SORBS3: variants seen among roughly 807,000 people sequenced by gnomAD.
SORBS3 encodes the protein vinexin.
In SORBS3, 69 loss-of-function variants were observed where a neutral mutation model predicts 98.0. That is an observed-to-expected ratio of 0.70 (90% CI 0.58 to 0.86). The LOEUF (loss-of-function observed/expected upper bound fraction) is 0.86. Among genes scored for constraint, SORBS3 ranks in the 40% least tolerant of loss-of-function variants. The pLI is 0.00. For synonymous variants in SORBS3, 394 were observed against 355.4 expected (o/e 1.11, Z -1.22); for missense variants, 954 against 908.5 (o/e 1.05, Z -0.64).
chr8:22,566,065 T>C lies in SORBS3; in HGVS notation c.950+193T>C, dbSNP rs970175506. The C allele has an allele frequency of 1.3e-5, 7 of 548,284 alleles. No homozygotes were observed. In the Admixed American group the frequency reaches 1.8e-4, roughly 14 times the overall value. 34.0% of individuals were successfully genotyped at this position (548,284 alleles called of 1,614,324 possible). On this transcript the variant is annotated intron_variant, in intron 12 of 20. Transcript: ENST00000240123. Reference sequence around the variant, plus strand: ...CCGTTCCCGCGCCACCGAGGGCAGCTAACTCCTAGCAGAGGACCGGGGTCG... The same window carrying C: ...CCGTTCCCGCGCCACCGAGGGCAGCCAACTCCTAGCAGAGGACCGGGGTCG...
Position 22,565,333 on chromosome 8 carries a change from G to C in SORBS3, c.882G>C (p.Glu294Asp). Residue 294 changes from glutamate (E) to aspartate (D), a missense_variant, in exon 11 of 21, where the codon GAG becomes GAC. Coordinates refer to ENST00000240123, the MANE Select transcript of SORBS3 (RefSeq NM_005775.5). ...AELDKDLRAI[E>D]TRLPSPKSSP... is the part of the protein sequence containing the mutation. ...TGGACAAGGACCTGCGGGCAATTGAGACCCGACTGCCGTCCCCCAAGGTAC... is the reference window on the plus strand; with the variant it reads ...TGGACAAGGACCTGCGGGCAATTGACACCCGACTGCCGTCCCCCAAGGTAC... 6.4e-7 allele frequency: 1 copy of C among 1,556,982 alleles called. No individual in the cohort carries two copies.
intron 12 of SORBS3, 88 bp downstream of exon 12, chr8:22,565,960 G>A (rs992822919): frequency 5.4e-6 from 5 of 917,860 alleles, no homozygotes; most frequent in Non-Finnish European, 7.1e-6. Context: ...GGACGGGGGC[G>A]ATCGCGGGGC....
At chr8:22,550,011 A>G (rs2117191937), upstream of SORBS3, 1 of 985,450 alleles carries the variant, frequency 1.0e-6, no homozygotes, top group Non-Finnish European at 1.2e-6. Flanking sequence ...AGAAGAAGGA[A>G]GAAAGTGAAA....
At chr8:22,569,301 G>C in intron 17 of SORBS3, 28 bp downstream of exon 17, 1 of 1,551,984 alleles carries the variant, frequency 6.4e-7, no homozygotes, top group Non-Finnish European at 8.7e-7. Flanking sequence ...CGGAGGGGTG[G>C]GTGGGGGCAG....
chr8:22,575,024 C>T lies in SORBS3; in HGVS notation c.*296C>T. 1 of 571,478 alleles carries T rather than the reference C, an allele frequency of 1.7e-6. No individual in the cohort carries two copies. Among genetic ancestry groups the T allele is most frequent in the Middle Eastern group, 2.8e-4 (1 of 3,632 alleles). The allele number at this position is 571,478 out of a possible 1,614,324, so 35.4% of individuals were successfully genotyped here. ...TTCCAGGCCTTATTGAGACCAGACC[C>T]CAAGTCCCCCACCCCCATCCTGCTC... On this transcript the variant is annotated 3_prime_UTR_variant, in exon 21 of 21. Coordinates refer to ENST00000240123, the MANE Select transcript of SORBS3 (RefSeq NM_005775.5).
At chr8:22,570,591 G>C (rs374238372) in intron 17 of SORBS3, among the ~76,000 whole-genome samples, 1 of 152,190 alleles carries the variant, frequency 6.6e-6, no homozygotes, top group Non-Finnish European at 1.5e-5. Flanking sequence ...AGCTGGGTTT[G>C]GATCTGTATT....
intron 13 of SORBS3, 65 bp downstream of exon 13, chr8:22,566,549 A>C: frequency 1.3e-6 from 2 of 1,589,222 alleles, no homozygotes; most frequent in Non-Finnish European, 1.7e-6. Context: ...TTGGTGCCCC[A>C]GGGGTGGCAG....
chr8:22,559,240 G>T (rs1840245773), intron 5 of SORBS3, among the ~76,000 whole-genome samples: 1 of 152,196 alleles, frequency 6.6e-6, no homozygotes, highest in Admixed American at 6.5e-5. Flanking sequence ...AGACCAGGGC[G>T]GTAGCAGTGG....
chr8:22,558,274 G>A (rs1461338595), intron 5 of SORBS3, 82 bp downstream of exon 5: 1 of 1,327,530 alleles, frequency 7.5e-7, no homozygotes, highest in Non-Finnish European at 1.1e-6. Flanking sequence ...AAGAAAAGGG[G>A]ACTTAGCTGC....
At chr8:22,552,084 C>T (rs1158778006) in intron 1 of SORBS3, 62 bp downstream of exon 1, 1 of 984,590 alleles carries the variant, frequency 1.0e-6, no homozygotes, top group African/African-American at 1.7e-5. Context: ...CCGTGCCCAA[C>T]CCCAGGGAAT....
chr8:22,562,075 T>C (rs17060920), intron 7 of SORBS3, 144 bp downstream of exon 7: 109,592 of 721,366 alleles, frequency 0.15, 9,396 homozygotes, highest in African/African-American at 0.3. Context: ...CCGTCTGGGC[T>C]CTGTCCCATC....
upstream of SORBS3, among the ~76,000 whole-genome samples, chr8:22,551,290 G>A (rs1423829591): frequency 6.7e-6 from 1 of 149,958 alleles, no homozygotes; most frequent in East Asian, 2.1e-4. This position sits in a 1 kb window ranked among gnomAD's most constrained non-coding sequence, Gnocchi z 5.8. Flanking sequence ...CGCCGCCGCA[G>A]GCACACCCTC....
intron 17 of SORBS3, among the ~76,000 whole-genome samples, chr8:22,569,925 A>G (rs1840527675): frequency 6.6e-6 from 1 of 152,176 alleles, no homozygotes; most frequent in Admixed American, 6.5e-5. Flanking sequence ...AGGGGATCAT[A>G]CTCAGCATTT....
chr8:22,553,031 C>T (rs1840114833), intron 1 of SORBS3, among the ~76,000 whole-genome samples: 1 of 152,194 alleles, frequency 6.6e-6, no homozygotes, highest in African/African-American at 2.4e-5. Flanking sequence ...GGAGCTGCCC[C>T]CAGCCTTGGC....
At chr8:22,551,828 C>G, upstream of SORBS3, 1 of 985,990 alleles carries the variant, frequency 1.0e-6, no homozygotes, top group Non-Finnish European at 1.2e-6. This position sits in a 1 kb window ranked among gnomAD's most constrained non-coding sequence, Gnocchi z 5.8. Context: ...CTCCGGCGCG[C>G]GCCCCTTCGG....
At chr8:22,557,034 G>A in intron 4 of SORBS3, 126 bp downstream of exon 4, 1 of 1,087,576 alleles carries the variant, frequency 9.2e-7, no homozygotes. Flanking sequence ...ATTAAGCAGG[G>A]GTTCAACCGT....
chr8:22,551,173 G>C (rs1840073574), upstream of SORBS3, among the ~76,000 whole-genome samples: 1 of 42,266 alleles, frequency 2.4e-5, no homozygotes, highest in African/African-American at 9.7e-5. This position sits in a 1 kb window ranked among gnomAD's most constrained non-coding sequence, Gnocchi z 5.8. Flanking sequence ...GGCACGCCCG[G>C]GGGGGCCGCT....
At chr8:22,561,624 C>T (rs1840296635) in intron 6 of SORBS3, 1 of 611,280 alleles carries the variant, frequency 1.6e-6, no homozygotes, top group African/African-American at 1.8e-5. Flanking sequence ...TCCCTTTCCT[C>T]ATCTATAAGA....
At chr8:22,561,016 T>C (rs1050008074) in intron 5 of SORBS3, 4 of 323,828 alleles carry the variant, frequency 1.2e-5, no homozygotes, top group African/African-American at 8.5e-5. Context: ...AAGTCGAGTT[T>C]CCCCAGCCTG....
Sources: allele counts gnomAD v4.1 joint callset (sites outside exome capture counted in the v4.1 genomes callset), GRCh38; gene constraint gnomAD v4.1.1; non-coding constraint Gnocchi (gnomAD v3.1); transcripts MANE v1.5; gene names NCBI Gene and HGNC (gene_info 2026-07-23, HGNC 2026-07-21).